AGBL1: variants seen among roughly 807,000 people sequenced by gnomAD.
The protein encoded by AGBL1 is AGBL carboxypeptidase 1, also known as cytosolic carboxypeptidase 4.
AGBL1 carries 130 observed loss-of-function variants against 118.9 expected under a neutral mutation model. The ratio of observed to expected loss-of-function variants is 1.09; its 90% CI spans 0.95 to 1.26. AGBL1 has a LOEUF of 1.26. AGBL1 is among the 50% of genes most tolerant of loss of function. AGBL1 has a pLI of 0.00. For synonymous variants in AGBL1, 555 were observed against 478.9 expected, an observed-to-expected ratio of 1.16 and a Z score of -2.08; for missense variants, 1,584 against 1,298.1, an observed-to-expected ratio of 1.22 and a Z score of -3.38.
At chr15:87,011,417 A>G (rs1002985005) in intron 24 of AGBL1, among the ~76,000 whole-genome samples, 1 of 152,224 alleles carries the variant, frequency 6.6e-6, no homozygotes, top group African/African-American at 2.4e-5. Flanking sequence ...ATGGGGGAAA[A>G]GGGGGAATAT....
intron 21 of AGBL1, among the ~76,000 whole-genome samples, chr15:86,655,966 C>A (rs1014964505): frequency 6.6e-6 from 1 of 152,150 alleles, no homozygotes. Flanking sequence ...GAGCATCAGT[C>A]TCCTCATGTG....
chr15:86,271,479 T>C, intron 14 of AGBL1, 140 bp from the exon 15 acceptor site: 1 of 682,796 alleles, frequency 1.5e-6, no homozygotes, highest in Non-Finnish European at 2.6e-6. Context: ...AACTTAATCA[T>C]ATCTGCAAAT....
At position 86,978,902 on chromosome 15, in the gene AGBL1, G is replaced by A. The variant is rs182086723; in HGVS notation, c.3222-9085G>A. Among the ~76,000 whole-genome samples the A allele has an allele frequency of 1.1e-4, 17 of 152,308 alleles. 1 individual carries two copies. In the East Asian group the frequency reaches 1.7e-3, roughly 16 times the overall value. ...TCAGGGGGAACCCATAAGAGGTGGA[G>A]AATTGAGGCAGAAAACTGACAGGAA... On this transcript the variant is annotated intron_variant, in intron 23 of 24. Coordinates refer to the AGBL1 transcript ENST00000441037.
intron 21 of AGBL1, among the ~76,000 whole-genome samples, chr15:86,565,338 T>A (rs2083897045): frequency 6.6e-6 from 1 of 152,248 alleles, no homozygotes; most frequent in African/African-American, 2.4e-5. Flanking sequence ...TTTGTTAGTT[T>A]TCCTTCTAAC....
At chr15:86,704,408 C>T (rs1471521660) in intron 22 of AGBL1, among the ~76,000 whole-genome samples, 1 of 152,074 alleles carries the variant, frequency 6.6e-6, no homozygotes, top group South Asian at 2.1e-4. Context: ...GTCTAATATC[C>T]AGAATCTACA....
At chr15:86,961,771 T>G (rs938911683) in intron 23 of AGBL1, among the ~76,000 whole-genome samples, 8 of 152,032 alleles carry the variant, frequency 5.3e-5, no homozygotes, top group African/African-American at 1.9e-4. Context: ...ATTCCCTAGC[T>G]CTAGAGCACA....
At chr15:86,187,626 T>G (rs535086074) in intron 5 of AGBL1, among the ~76,000 whole-genome samples, 2 of 152,274 alleles carry the variant, frequency 1.3e-5, no homozygotes, top group African/African-American at 4.8e-5. Flanking sequence ...ATGATGCATA[T>G]CAGGGCCCAG....
intron 18 of AGBL1, among the ~76,000 whole-genome samples, chr15:86,434,958 A>G (rs984697082): frequency 6.6e-6 from 1 of 152,238 alleles, no homozygotes; most frequent in Non-Finnish European, 1.5e-5. Context: ...CAATTACTAA[A>G]GCTTACAAAT....
rs763404442 is a variant in AGBL1 at position 86,705,077 on chromosome 15, G to A, written c.3158+30641G>A. The stretch of plus-strand genomic sequence containing the variant: ...ATGTCCTCACTCATAAGTGGGAGTC[G>A]AACAAAGAGAACACATGGACACAGG... On this transcript the variant is annotated intron_variant, in intron 22 of 22. Coordinates refer to ENST00000614907, the MANE Select transcript of AGBL1 (RefSeq NM_001386094.1). Among the ~76,000 whole-genome samples the A allele has an allele frequency of 7.2e-5, 11 of 152,044 alleles. 1 individual carries two copies. The highest frequency in any genetic ancestry group is 2.1e-4 in the South Asian group (1 of 4,818).
chr15:86,081,837 C>T (rs577246231), intron 1 of AGBL1, among the ~76,000 whole-genome samples: 2 of 152,266 alleles, frequency 1.3e-5, no homozygotes, highest in East Asian at 1.9e-4. Context: ...AAATGAATGT[C>T]CTGTAGTCGG....
At chr15:86,520,432 A>T (rs1220286553) in intron 18 of AGBL1, among the ~76,000 whole-genome samples, 3 of 152,178 alleles carry the variant, frequency 2.0e-5, no homozygotes, top group Non-Finnish European at 4.4e-5. Flanking sequence ...AGTTGGAACT[A>T]GGTCTTATTC....
chr15:86,630,863 G>T (rs1401806881), intron 21 of AGBL1, among the ~76,000 whole-genome samples: 1 of 152,172 alleles, frequency 6.6e-6, no homozygotes, highest in Non-Finnish European at 1.5e-5. Context: ...CAGATTCTTG[G>T]ATCTGTTCAA....
intron 18 of AGBL1, among the ~76,000 whole-genome samples, chr15:86,456,717 G>A (rs986720450): frequency 3.3e-5 from 5 of 152,152 alleles, no homozygotes; most frequent in Admixed American, 3.3e-4. Flanking sequence ...TGCCTCTAGA[G>A]CAAATACAAT....
At chr15:86,539,838 G>A (rs2083470917) in intron 19 of AGBL1, among the ~76,000 whole-genome samples, 1 of 152,080 alleles carries the variant, frequency 6.6e-6, no homozygotes, top group Non-Finnish European at 1.5e-5. Flanking sequence ...GTGTGCAACT[G>A]TTCTTATTGG....
Position 86,927,063 on chromosome 15 carries a change from C to T in AGBL1, c.3222-60924C>T, listed in dbSNP as rs2080548711. 2.6e-5 allele frequency among the ~76,000 whole-genome samples: 4 copies of T among 151,974 alleles called. No individual in the cohort carries two copies. The South Asian group carries it at 8.3e-4, about 32-fold the overall frequency. ...CTGAGGCAGGAGAATCGCTTGAACC[C>T]AGAAGGCAGAGGTTGCAGTGAGCCG... On this transcript the variant is annotated intron_variant, in intron 23 of 24. Transcript: ENST00000441037.
intron 22 of AGBL1, among the ~76,000 whole-genome samples, chr15:86,807,593 T>C (rs2078735979): frequency 6.6e-6 from 1 of 152,130 alleles, no homozygotes; most frequent in South Asian, 2.1e-4. Context: ...ATGGTCTGTG[T>C]ACCTTGGAAG....
At chr15:86,983,434 C>A (rs2081250427) in intron 23 of AGBL1, among the ~76,000 whole-genome samples, 1 of 152,160 alleles carries the variant, frequency 6.6e-6, no homozygotes, top group African/African-American at 2.4e-5. Flanking sequence ...TTGTGCCAAA[C>A]ACCTACCTTA....
intron 10 of AGBL1, among the ~76,000 whole-genome samples, chr15:86,263,261 G>A (rs571130342): frequency 6.6e-6 from 1 of 152,236 alleles, no homozygotes; most frequent in South Asian, 2.1e-4. Context: ...AAATCCCATT[G>A]TATTACTATT....
intron 17 of AGBL1, among the ~76,000 whole-genome samples, chr15:86,325,763 G>A (rs780005724): frequency 4.6e-5 from 7 of 152,128 alleles, no homozygotes; most frequent in Non-Finnish European, 7.4e-5. Context: ...GGACTATACT[G>A]GAAATATAGG....
Sources: gnomAD v4.1 joint callset for allele counts (sites outside exome capture counted in the v4.1 genomes callset) on GRCh38, gnomAD v4.1.1 for gene constraint, MANE v1.5 for transcripts, NCBI Gene and HGNC (gene_info 2026-07-23, HGNC 2026-07-21) for gene names.